The following SENP6 variants were observed in gnomAD, a reference collection of about 807,000 sequenced individuals.
SENP6 encodes the protein sentrin-specific protease 6.
In SENP6, 41 loss-of-function variants were observed where a neutral mutation model predicts 134.5. The ratio of observed to expected loss-of-function variants is 0.30; its 90% CI spans 0.24 to 0.40. The LOEUF is 0.40. Among genes scored for constraint, SENP6 ranks in the 10% least tolerant of loss-of-function variants. The probability of loss-of-function intolerance (pLI) is 1.00; values close to 1 mark genes in which losing one functional copy is unlikely to be tolerated. For synonymous variants in SENP6, 395 were observed against 429.8 expected (o/e 0.92, Z 1.00); for missense variants, 1,248 against 1,312.5 (o/e 0.95, Z 0.76).
chr6:75,677,099 A>G lies in SENP6; in HGVS notation c.1691A>G (p.Glu564Gly). 6.2e-7 allele frequency: 1 copy of G among 1,607,852 alleles called. No homozygotes were observed. The highest frequency in any genetic ancestry group is 8.5e-7 in the Non-Finnish European group (1 of 1,175,192). Reference protein sequence around the residue: ...GLDPPANMVFESIINEIGIKN... With the variant: ...GLDPPANMVFGSIINEIGIKN... ...GATCCTCCGGCAAATATGGTATTTG[A>G]AAGTATCATTAATGAAATTGGTATA... The change falls in exon 14 of 24, where the codon GAA becomes GGA. Residue 564 changes from glutamate (E) to glycine (G), a missense_variant. By Grantham distance (98) the Glu-to-Gly change is moderately conservative (BLOSUM62 -2). Around this residue, in one of 3 missense-constraint regions of SENP6, gnomAD observed 733 missense variants for 725.4 expected, o/e 1.01. Coordinates refer to ENST00000447266, the MANE Select transcript of SENP6 (RefSeq NM_015571.4).
rs376404897 is a variant in SENP6 at position 75,691,472 on chromosome 6, T to C, written c.2076-4332T>C. 5.9e-5 allele frequency among the ~76,000 whole-genome samples: 9 copies of C among 152,390 alleles called. No homozygotes were observed. The East Asian group carries it at 1.2e-3, about 20-fold the overall frequency. ...ATTTTCCATTTTATGGAATAGCAAC[T>C]AAACAGCTTCACCAGCATTCAATAT... On this transcript the variant is annotated intron_variant, in intron 16 of 23. Transcript: ENST00000447266.
At chr6:75,689,254 T>C (rs948622074) in intron 16 of SENP6, among the ~76,000 whole-genome samples, 6 of 152,092 alleles carry the variant, frequency 3.9e-5, no homozygotes, top group African/African-American at 1.2e-4. Flanking sequence ...ATAAAATCTT[T>C]ATAGATAAGT....
At chr6:75,664,651 CA>C (rs1408352502) in intron 9 of SENP6, among the ~76,000 whole-genome samples, 1 of 152,114 alleles carries the variant, frequency 6.6e-6, no homozygotes, top group African/African-American at 2.4e-5. Context: ...AAAGAGAAAC[CA>C]TGCTCAATAT....
chr6:75,669,590 T>C (rs1428541355), intron 10 of SENP6, among the ~76,000 whole-genome samples: 1 of 152,176 alleles, frequency 6.6e-6, no homozygotes, highest in Non-Finnish European at 1.5e-5. Flanking sequence ...ATATAATTAC[T>C]TGTAATTAAA....
intron 3 of SENP6, among the ~76,000 whole-genome samples, chr6:75,631,046 T>G (rs1159839080): frequency 6.6e-6 from 1 of 152,140 alleles, no homozygotes; most frequent in Non-Finnish European, 1.5e-5. Context: ...TTTTAAAAGA[T>G]TTCAATGACA....
At chr6:75,621,455 C>A in intron 1 of SENP6, 77 bp from the exon 2 acceptor site, 2 of 866,700 alleles carry the variant, frequency 2.3e-6, no homozygotes, top group Non-Finnish European at 3.7e-6. Flanking sequence ...AATCAAAGAG[C>A]TTGGGAAATG....
At chr6:75,628,331 G>A (rs1337357455) in intron 3 of SENP6, among the ~76,000 whole-genome samples, 1 of 152,006 alleles carries the variant, frequency 6.6e-6, no homozygotes, top group Non-Finnish European at 1.5e-5. Flanking sequence ...TTAACATTAA[G>A]TAGAACTCCT....
At chr6:75,714,396 A>G (rs937301944) in intron 23 of SENP6, among the ~76,000 whole-genome samples, 1 of 152,206 alleles carries the variant, frequency 6.6e-6, no homozygotes, top group Non-Finnish European at 1.5e-5. Flanking sequence ...ACCATACAGT[A>G]GATGACCACT....
intron 6 of SENP6, among the ~76,000 whole-genome samples, chr6:75,642,092 A>G (rs560633195): frequency 7.9e-5 from 12 of 152,302 alleles, no homozygotes; most frequent in South Asian, 2.1e-4. Flanking sequence ...TGTTTCTACA[A>G]TTGTTTGAAA....
chr6:75,659,116 A>C, intron 7 of SENP6, 146 bp from the exon 8 acceptor site: 2 of 611,550 alleles, frequency 3.3e-6, no homozygotes, highest in South Asian at 4.7e-5. Context: ...ATATGTGGAG[A>C]TCCTGCTGAG....
chr6:75,629,602 A>G (rs538460589), intron 3 of SENP6, among the ~76,000 whole-genome samples: 91 of 152,232 alleles, frequency 6.0e-4, no homozygotes, highest in African/African-American at 2.1e-3. Flanking sequence ...GCCCAGCCAG[A>G]TTGAGGATTT....
chr6:75,675,972 T>C lies in SENP6; in HGVS notation c.1539T>C (p.Val513=). ...PVVFLQAIPA[V]YQKLSIQLQM... is the part of the protein sequence containing the mutation. ...TGTTTCTTCAAGCAATTCCAGCAGT[T>C]TATCAAAAGCTGAGCATCCAACTGC... The change falls in exon 13 of 24, where the codon GTT becomes GTC. Residue 513 remains valine, a synonymous_variant. Transcript: ENST00000447266. The C allele has an allele frequency of 6.2e-7, 1 of 1,612,850 alleles. No homozygotes were observed. Among genetic ancestry groups the C allele is most frequent in the Non-Finnish European group, 8.5e-7 (1 of 1,179,378 alleles).
At chr6:75,675,323 A>C in intron 11 of SENP6, 112 bp from the exon 12 acceptor site, 1 of 622,376 alleles carries the variant, frequency 1.6e-6, no homozygotes. Context: ...TCTCTGTGGG[A>C]TTTTAAGAGA....
chr6:75,631,789 T>G (rs571538828), intron 3 of SENP6, among the ~76,000 whole-genome samples: 1 of 152,224 alleles, frequency 6.6e-6, no homozygotes, highest in Non-Finnish European at 1.5e-5. Context: ...CAGAAAAAGT[T>G]TGCTGATCCC....
At chr6:75,675,538 A>T (rs1773021368) in intron 12 of SENP6, 70 bp downstream of exon 12, 5 of 922,076 alleles carry the variant, frequency 5.4e-6, no homozygotes, top group Non-Finnish European at 8.3e-6. Context: ...GGAATAAAAG[A>T]TTAAATAATA....
chr6:75,710,322 G>A (rs1344309806), intron 20 of SENP6, among the ~76,000 whole-genome samples: 1 of 152,038 alleles, frequency 6.6e-6, no homozygotes, highest in Non-Finnish European at 1.5e-5. Context: ...TGAACAGCAA[G>A]AATAAAGTAT....
chr6:75,636,230 G>A (rs1480054347), intron 5 of SENP6, among the ~76,000 whole-genome samples: 1 of 152,096 alleles, frequency 6.6e-6, no homozygotes, highest in African/African-American at 2.4e-5. Context: ...GAGTTAATTT[G>A]TATTTAAGAA....
intron 3 of SENP6, among the ~76,000 whole-genome samples, chr6:75,631,381 G>A (rs1276968429): frequency 6.6e-6 from 1 of 152,142 alleles, no homozygotes; most frequent in Non-Finnish European, 1.5e-5. Flanking sequence ...TGTTCTAAGT[G>A]TTGGAGCAAA....
intron 5 of SENP6, among the ~76,000 whole-genome samples, chr6:75,636,810 C>T (rs1016539516): frequency 6.6e-6 from 1 of 152,090 alleles, no homozygotes; most frequent in African/African-American, 2.4e-5. Context: ...TGTTAGACTT[C>T]AGGTGAGGGT....
Sources: allele counts gnomAD v4.1 joint callset (sites outside exome capture counted in the v4.1 genomes callset), GRCh38; gene constraint gnomAD v4.1.1; regional missense constraint gnomAD v4.1.1; transcripts MANE v1.5; gene names NCBI Gene and HGNC (gene_info 2026-07-23, HGNC 2026-07-21).